Variants in NOS1 observed in about 807,000 individuals in gnomAD.
NOS1 encodes NOS type I.
In NOS1, 51 loss-of-function variants were observed where a neutral mutation model predicts 164.5. The ratio of observed to expected loss-of-function variants is 0.31; its 90% CI spans 0.25 to 0.39. The LOEUF (loss-of-function observed/expected upper bound fraction) is 0.39. NOS1 is among the 10% of genes least tolerant of loss of function. NOS1 has a pLI of 1.00. For synonymous variants in NOS1, 719 were observed against 745.8 expected (o/e 0.96, Z 0.59); for missense variants, 1,362 against 1,885.6 (o/e 0.72, Z 5.14).
chr12:117,283,056 A>ATATATATATTT (rs1360367568), intron 7 of NOS1, among the ~76,000 whole-genome samples: 36 of 92,950 alleles, frequency 3.9e-4, no homozygotes, highest in African/African-American at 1.2e-3. Context: ...ATATATATAT[A>ATATATATATTT]TTTTTTTTTT....
At chr12:117,277,671 T>C (rs1439799896) in intron 9 of NOS1, among the ~76,000 whole-genome samples, 1 of 152,144 alleles carries the variant, frequency 6.6e-6, no homozygotes, top group African/African-American at 2.4e-5. Flanking sequence ...GTATGGTGCT[T>C]CTGCTCTTTC....
chr12:117,231,905 T>G, intron 22 of NOS1, 57 bp downstream of exon 22: 1 of 1,531,846 alleles, frequency 6.5e-7, no homozygotes. Context: ...TTTCAACTCT[T>G]TAATGACGAG....
chr12:117,300,681 A>T (rs961577263), intron 3 of NOS1, among the ~76,000 whole-genome samples: 10 of 152,182 alleles, frequency 6.6e-5, no homozygotes, highest in Middle Eastern at 3.2e-3. Flanking sequence ...GAAGTGGGGC[A>T]CTGAAGATGC....
intron 1 of NOS1, among the ~76,000 whole-genome samples, chr12:117,344,924 G>A (rs1380979333): frequency 6.6e-6 from 1 of 152,180 alleles, no homozygotes; most frequent in African/African-American, 2.4e-5. Context: ...TCATAGTCAG[G>A]AAAGGACTTG....
Position 117,214,375 on chromosome 12 carries a change from T to A in NOS1, c.*934A>T. The stretch of plus-strand genomic sequence containing the variant: ...GGAAGATCCTTATTGCCACCAGGCT[T>A]CTTTGAACAACATAACTTCCAGGCC... On this transcript the variant is annotated 3_prime_UTR_variant, in exon 29 of 29. Transcript: ENST00000317775. 2 of 985,228 alleles carry A rather than the reference T, an allele frequency of 2.0e-6. No individual in the cohort carries two copies. The highest frequency in any genetic ancestry group is 1.2e-6 in the Non-Finnish European group (1 of 829,928). The allele number at this position is 985,228 out of a possible 1,614,324, so 61.0% of individuals were successfully genotyped here. A position where few individuals can be genotyped will look rare whatever the true frequency, so the allele number is the denominator to read the frequency against.
chr12:117,232,894 G>C (rs1234312580), intron 21 of NOS1, among the ~76,000 whole-genome samples: 1 of 151,832 alleles, frequency 6.6e-6, no homozygotes, highest in Admixed American at 6.6e-5. Flanking sequence ...TTTTGAGACA[G>C]GGTCTCACTC....
At chr12:117,327,998 G>C (rs142467592) in intron 2 of NOS1, among the ~76,000 whole-genome samples, 9 of 152,200 alleles carry the variant, frequency 5.9e-5, no homozygotes, top group Non-Finnish European at 1.3e-4. Context: ...GACAGACTGA[G>C]GGGCCATCAA....
intron 1 of NOS1, among the ~76,000 whole-genome samples, chr12:117,340,453 T>C (rs907135755): frequency 6.6e-6 from 1 of 152,224 alleles, no homozygotes; most frequent in Non-Finnish European, 1.5e-5. Context: ...ATCTATTAAA[T>C]AGGGGTGATA....
At chr12:117,360,793 C>T (rs982994961) in intron 1 of NOS1, among the ~76,000 whole-genome samples, 2 of 152,186 alleles carry the variant, frequency 1.3e-5, no homozygotes, top group African/African-American at 4.8e-5. Context: ...GCAGGTACAA[C>T]GGTCCCCAGG....
Position 117,212,063 on chromosome 12 carries a change from C to CAAAA in NOS1, c.*3242_*3245dup, listed in dbSNP as rs763292576. 6.5e-4 allele frequency: 504 copies of CAAAA among 772,930 alleles called. No individual in the cohort carries two copies. Among genetic ancestry groups the CAAAA allele is most frequent in the South Asian group, 5.5e-3 (92 of 16,804 alleles). 47.9% of individuals were successfully genotyped at this position (772,930 alleles called of 1,614,324 possible). On this transcript the variant is annotated 3_prime_UTR_variant, in exon 29 of 29. Transcript: ENST00000317775. Reference sequence around the variant, plus strand: ...CCTGGGTGACAGAGCAAGACTCTGTCAAAAAAAAAAATAGATTCTAACCTT... The same window carrying CAAAA: ...CCTGGGTGACAGAGCAAGACTCTGTCAAAAAAAAAAAAAAATAGATTCTAACCTT...
chr12:117,209,930 A>T lies in NOS1; in HGVS notation c.*5379T>A. The T allele has an allele frequency of 1.0e-6, 1 of 985,480 alleles. No homozygotes were observed. Among genetic ancestry groups the T allele is most frequent in the African/African-American group, 1.7e-5 (1 of 57,362 alleles). The allele number at this position is 985,480 out of a possible 1,614,324, so 61.0% of individuals were successfully genotyped here. A position where few individuals can be genotyped will look rare whatever the true frequency, so the allele number is the denominator to read the frequency against. The stretch of plus-strand genomic sequence containing the variant: ...CCCTGGGAGGCAGGCCCCTTCCCTC[A>T]GACCCTCAGACCTGTGTTTCCTTAA... On this transcript the variant is annotated 3_prime_UTR_variant, in exon 29 of 29. Coordinates refer to ENST00000317775, the MANE Select transcript of NOS1 (RefSeq NM_000620.5).
chr12:117,326,326 CAGTGAGCCG>C (rs1875243385), intron 2 of NOS1, among the ~76,000 whole-genome samples: 1 of 149,350 alleles, frequency 6.7e-6, no homozygotes, highest in African/African-American at 2.5e-5. Context: ...GCGGAGGTTG[CAGTGAGCCG>C]AGATCATACC....
chr12:117,305,731 AG>A (rs892851221), intron 3 of NOS1, among the ~76,000 whole-genome samples: 1 of 151,012 alleles, frequency 6.6e-6, no homozygotes, highest in African/African-American at 2.4e-5. Flanking sequence ...TATTTCTGAG[AG>A]GCATTTGGAA....
In NOS1 at chr12:117,286,151, G is replaced by T; in HGVS notation, c.1243C>A (p.Arg415=). 1.2e-6 allele frequency: 2 copies of T among 1,614,212 alleles called. No individual in the cohort carries two copies. Among genetic ancestry groups the T allele is most frequent in the East Asian group, 4.5e-5 (2 of 44,884 alleles). Residue 415 remains arginine (R), a synonymous_variant, in exon 6 of 29, where the codon CGG becomes AGG. Coordinates refer to ENST00000317775, the MANE Select transcript of NOS1 (RefSeq NM_000620.5). The part of the protein sequence containing the change: ...ELIYGAKHAW[R]NASRCVGRIQ... ...CTGCCCACACAGCGCGAGGCATTCC[G>T]CCAGGCGTGCTTGGCCCCATAGATG...
In NOS1 at chr12:117,317,526, T is replaced by G. The variant is rs887994365; in HGVS notation, c.726-5934A>C. ...CTTCCAGATATTGCAAAGTGCCCCC[T>G]GGGAGGCAAAATTGTACTCCTAACC... On this transcript the variant is annotated intron_variant, in intron 2 of 28. Coordinates refer to ENST00000317775, the MANE Select transcript of NOS1 (RefSeq NM_000620.5). 3.3e-5 allele frequency among the ~76,000 whole-genome samples: 5 copies of G among 151,138 alleles called. No individual in the cohort carries two copies. In the Admixed American group the frequency reaches 3.3e-4, roughly 10 times the overall value.
intron 3 of NOS1, among the ~76,000 whole-genome samples, chr12:117,303,567 G>C (rs1004170013): frequency 3.3e-5 from 5 of 152,114 alleles, no homozygotes; most frequent in African/African-American, 1.2e-4. Flanking sequence ...GAAAAGAGGA[G>C]AGAACCCCAA....
intron 3 of NOS1, among the ~76,000 whole-genome samples, chr12:117,301,288 T>C (rs1342743976): frequency 6.6e-6 from 1 of 151,292 alleles, no homozygotes; most frequent in African/African-American, 2.4e-5. Context: ...CCACCACACC[T>C]GGCTAATATT....
rs1868812248 is a variant in NOS1, at chr12:117,227,564, G to C, written c.3483C>G (p.Ile1161Met). Reference protein sequence around the residue: ...IVEVLEEFPSIQMPATLLLTQ... With the variant: ...IVEVLEEFPSMQMPATLLLTQ... ...TCAGGAGCAGGGTGGCCGGCATCTG[G>C]ATAGATGGGAACTCCTCCAGCACCT... Residue 1161 changes from isoleucine to methionine, a missense_variant, in exon 23 of 29, where the codon ATC becomes ATG. Physicochemically the swap from Ile to Met is conservative, Grantham distance 10 (BLOSUM62 1). This residue lies in a region of NOS1 where 737 missense variants were observed against 1,030.3 expected (regional missense o/e 0.72). Coordinates refer to ENST00000317775, the MANE Select transcript of NOS1 (RefSeq NM_000620.5). 1 of 1,613,710 alleles carries C rather than the reference G, an allele frequency of 6.2e-7. No homozygotes were observed. Among genetic ancestry groups the C allele is most frequent in the Admixed American group, 1.7e-5 (1 of 59,974 alleles).
chr12:117,260,668 G>A, intron 13 of NOS1, 59 bp from the exon 14 acceptor site: 1 of 1,562,100 alleles, frequency 6.4e-7, no homozygotes, highest in East Asian at 2.3e-5. Flanking sequence ...AGAAGATGCT[G>A]GATTGGGACT....
Sources: gnomAD v4.1 joint callset for allele counts (sites outside exome capture counted in the v4.1 genomes callset) on GRCh38, gnomAD v4.1.1 for gene constraint, gnomAD v4.1.1 regional missense constraint, MANE v1.5 for transcripts, NCBI Gene and HGNC (gene_info 2026-07-23, HGNC 2026-07-21) for gene names.